The following ZNF438 variants were observed in gnomAD, a reference collection of about 807,000 sequenced individuals.
ZNF438 encodes zinc finger protein 438.
Under a neutral mutation model 38.0 loss-of-function variants are expected in ZNF438, and 25 were observed. That is an observed-to-expected ratio of 0.66 (90% CI 0.48 to 0.92). The LOEUF (loss-of-function observed/expected upper bound fraction) is 0.92, where lower values mean the gene tolerates loss of function less well. ZNF438 is among the 40% of genes least tolerant of loss of function. The pLI, the probability that ZNF438 is intolerant of heterozygous loss-of-function variation, is 0.00. For missense variants in ZNF438, 1,007 were observed against 999.6 expected (o/e 1.01, Z -0.10); for synonymous variants, 372 against 364.1 (o/e 1.02, Z -0.25).
At chr10:30,871,632 G>A (rs942221056) in intron 4 of ZNF438, among the ~76,000 whole-genome samples, 1 of 152,188 alleles carries the variant, frequency 6.6e-6, no homozygotes, top group African/African-American at 2.4e-5. Context: ...ATACCAAAAT[G>A]TTAGGTCTGT....
At chr10:30,981,674 G>A (rs1195263426) in intron 1 of ZNF438, among the ~76,000 whole-genome samples, 4 of 152,060 alleles carry the variant, frequency 2.6e-5, no homozygotes, top group Non-Finnish European at 4.4e-5. Context: ...TCAGGAGTTC[G>A]AGACCAGCCT....
At chr10:30,897,516 G>A (rs761562828) in intron 3 of ZNF438, among the ~76,000 whole-genome samples, 11 of 152,166 alleles carry the variant, frequency 7.2e-5, no homozygotes, top group Non-Finnish European at 1.3e-4. Context: ...CCCAGCAGAG[G>A]AGATTCCTGA....
intron 4 of ZNF438, among the ~76,000 whole-genome samples, chr10:30,870,073 G>A (rs1410408827): frequency 6.6e-6 from 1 of 152,134 alleles, no homozygotes; most frequent in Non-Finnish European, 1.5e-5. Flanking sequence ...AATGCACAAA[G>A]TCATTTTATC....
intron 3 of ZNF438, among the ~76,000 whole-genome samples, chr10:30,899,787 T>C: frequency 6.6e-6 from 1 of 152,156 alleles, no homozygotes; most frequent in Admixed American, 6.5e-5. Flanking sequence ...TAGAGTTTAA[T>C]TAACTCTACT....
At chr10:31,023,484 T>C (rs996067431) in intron 1 of ZNF438, among the ~76,000 whole-genome samples, 2 of 152,236 alleles carry the variant, frequency 1.3e-5, no homozygotes, top group African/African-American at 4.8e-5. Context: ...TGTCCTGAAA[T>C]TGATAGACAG....
At chr10:30,856,706 A>T (rs1588801646) in intron 4 of ZNF438, among the ~76,000 whole-genome samples, 1 of 152,356 alleles carries the variant, frequency 6.6e-6, no homozygotes, top group East Asian at 1.9e-4. Flanking sequence ...AAAGAGACTC[A>T]CAGGACTCTC....
chr10:30,903,565 C>T (rs759814080), intron 3 of ZNF438, among the ~76,000 whole-genome samples: 21 of 152,144 alleles, frequency 1.4e-4, no homozygotes, highest in Middle Eastern at 3.2e-3. Context: ...AAAATGAGGA[C>T]GCTCACATGA....
chr10:31,005,506 C>T (rs998816627), intron 1 of ZNF438, among the ~76,000 whole-genome samples: 1 of 151,730 alleles, frequency 6.6e-6, no homozygotes, highest in African/African-American at 2.4e-5. Context: ...CAGGGGTGGA[C>T]GGGGGAGAAA....
intron 1 of ZNF438, among the ~76,000 whole-genome samples, chr10:30,975,712 T>A (rs902104216): frequency 1.3e-5 from 2 of 152,202 alleles, no homozygotes; most frequent in African/African-American, 4.8e-5. Context: ...CAGTATTTTT[T>A]AAAGATATAA....
chr10:30,869,926 C>G (rs1191064132), intron 4 of ZNF438, among the ~76,000 whole-genome samples: 1 of 152,210 alleles, frequency 6.6e-6, no homozygotes, highest in African/African-American at 2.4e-5. Context: ...TACAGTGGTA[C>G]TCCTTGCTAC....
chr10:30,922,547 T>C (rs1434405509), intron 2 of ZNF438, among the ~76,000 whole-genome samples: 1 of 152,174 alleles, frequency 6.6e-6, no homozygotes, highest in Non-Finnish European at 1.5e-5. Flanking sequence ...AGAAAAACCA[T>C]TGTCAGCCAG....
At chr10:30,932,185 G>A (rs1290059137) in intron 2 of ZNF438, among the ~76,000 whole-genome samples, 1 of 152,040 alleles carries the variant, frequency 6.6e-6, no homozygotes, top group Non-Finnish European at 1.5e-5. Flanking sequence ...AAAAGAGTGA[G>A]CAGGCTAACA....
At chr10:30,938,777 C>CTTTATTTATTTA (rs61394565) in intron 2 of ZNF438, among the ~76,000 whole-genome samples, 8 of 149,688 alleles carry the variant, frequency 5.3e-5, no homozygotes, top group African/African-American at 2.0e-4. Flanking sequence ...GGGAAGCAAA[C>CTTTATTTATTTA]TTTATTTATT....
intron 1 of ZNF438, among the ~76,000 whole-genome samples, chr10:30,950,109 C>G (rs1162991892): frequency 6.7e-6 from 1 of 149,678 alleles, no homozygotes; most frequent in Non-Finnish European, 1.5e-5. Flanking sequence ...CAAAACCGCT[C>G]AACTACATGG....
At chr10:30,953,418 A>C (rs948121393) in intron 1 of ZNF438, among the ~76,000 whole-genome samples, 2 of 151,852 alleles carry the variant, frequency 1.3e-5, no homozygotes, top group Non-Finnish European at 2.9e-5. Flanking sequence ...AAATTTAAAA[A>C]ATTAAAAAAA....
intron 1 of ZNF438, among the ~76,000 whole-genome samples, chr10:31,008,029 T>A (rs2055326749): frequency 6.6e-6 from 1 of 152,204 alleles, no homozygotes; most frequent in Non-Finnish European, 1.5e-5. Context: ...GAAAATCCTA[T>A]TAAATATAAA....
At chr10:31,007,562 T>G (rs368255811) in intron 1 of ZNF438, among the ~76,000 whole-genome samples, 23 of 152,250 alleles carry the variant, frequency 1.5e-4, no homozygotes, top group Admixed American at 7.2e-4. Context: ...TTACAGGCGT[T>G]AGCCACCGCG....
intron 2 of ZNF438, chr10:30,920,614 T>C (rs2044183093): frequency 6.6e-6 from 1 of 152,234 alleles, no homozygotes; most frequent in Non-Finnish European, 1.5e-5. Flanking sequence ...TATGAGTTGG[T>C]ATCCTCTGGG....
At chr10:30,869,245 G>A (rs113252877) in intron 4 of ZNF438, among the ~76,000 whole-genome samples, 10,224 of 152,158 alleles carry the variant, frequency 0.067, 1,085 homozygotes, top group African/African-American at 0.23. Context: ...GTGGTGGTGC[G>A]TGCCTGTGAT....
Sources: gnomAD v4.1 joint callset for allele counts (sites outside exome capture counted in the v4.1 genomes callset) on GRCh38, gnomAD v4.1.1 for gene constraint, MANE v1.5 for transcripts, NCBI Gene and HGNC (gene_info 2026-07-23, HGNC 2026-07-21) for gene names.